Variants in KIAA1328 observed in about 807,000 individuals in gnomAD.
The protein encoded by KIAA1328 is KIAA1328.
A neutral mutation model predicts 68.1 loss-of-function variants in KIAA1328; 52 were observed. That is an observed-to-expected ratio of 0.76 (90% CI 0.61 to 0.96). The LOEUF (loss-of-function observed/expected upper bound fraction) is 0.96. KIAA1328 is among the 40% of genes least tolerant of loss of function. The probability of loss-of-function intolerance (pLI) is 0.00; values close to 1 mark genes in which losing one functional copy is unlikely to be tolerated. For synonymous variants in KIAA1328, 232 were observed against 239.4 expected, an observed-to-expected ratio of 0.97 and a Z score of 0.28; for missense variants, 641 against 677.6, an observed-to-expected ratio of 0.95 and a Z score of 0.60.
At chr18:36,973,470 AAAT>A (rs763930475) in intron 6 of KIAA1328, among the ~76,000 whole-genome samples, 1 of 152,078 alleles carries the variant, frequency 6.6e-6, no homozygotes, top group African/African-American at 2.4e-5. Flanking sequence ...ACTCAAAGTA[AAAT>A]AATAATAATA....
At chr18:37,199,559 T>A (rs1186394818) in intron 9 of KIAA1328, among the ~76,000 whole-genome samples, 1 of 152,194 alleles carries the variant, frequency 6.6e-6, no homozygotes. Flanking sequence ...ATGAACAACA[T>A]GTGCATGTGT....
intron 8 of KIAA1328, among the ~76,000 whole-genome samples, 152 bp downstream of exon 8, chr18:37,160,533 C>A (rs1350602100): frequency 6.6e-6 from 1 of 152,162 alleles, no homozygotes; most frequent in Non-Finnish European, 1.5e-5. Context: ...AACACATTTA[C>A]TAGATTAGTG....
intron 5 of KIAA1328, among the ~76,000 whole-genome samples, chr18:36,908,655 T>C (rs1950685629): frequency 6.6e-6 from 1 of 152,110 alleles, no homozygotes; most frequent in Admixed American, 6.6e-5. Flanking sequence ...AGATTTTTAA[T>C]AGCTAATTAT....
chr18:36,835,384 T>C lies in KIAA1328; in HGVS notation c.237+8T>C. ...GATTCAGTAGATGAACAGGTTAGTA[T>C]TTTTTTCGTCTTTTTTTTTCCTTGC... On this transcript the variant is annotated splice_region_variant and intron_variant, in intron 3 of 9. Transcript: ENST00000280020. 2 of 1,603,686 alleles carry C rather than the reference T, an allele frequency of 1.2e-6. No homozygotes were observed. Among genetic ancestry groups the C allele is most frequent in the Non-Finnish European group, 1.7e-6 (2 of 1,176,042 alleles).
chr18:37,079,529 T>C (rs574660070), intron 7 of KIAA1328, among the ~76,000 whole-genome samples: 1 of 151,786 alleles, frequency 6.6e-6, no homozygotes, highest in East Asian at 1.9e-4. Context: ...AGTGCAGCTA[T>C]TTCATCATGT....
intron 6 of KIAA1328, among the ~76,000 whole-genome samples, chr18:36,970,463 G>A (rs1425168176): frequency 4.6e-5 from 7 of 152,018 alleles, no homozygotes; most frequent in South Asian, 2.1e-4. Context: ...CAGGGCAATC[G>A]GGGAAGAGAA....
chr18:37,130,444 C>A (rs965325274), intron 7 of KIAA1328, among the ~76,000 whole-genome samples: 2 of 151,988 alleles, frequency 1.3e-5, no homozygotes, highest in Non-Finnish European at 2.9e-5. Flanking sequence ...ATGGTGAAAC[C>A]CTGTCTCTAC....
At chr18:37,115,099 G>C (rs1401205855) in intron 7 of KIAA1328, among the ~76,000 whole-genome samples, 1 of 152,184 alleles carries the variant, frequency 6.6e-6, no homozygotes, top group Admixed American at 6.5e-5. Flanking sequence ...AGTGGAGCTG[G>C]TACCATTCCT....
intron 7 of KIAA1328, among the ~76,000 whole-genome samples, chr18:37,122,707 A>G (rs1400548830): frequency 1.3e-5 from 2 of 152,020 alleles, no homozygotes; most frequent in Non-Finnish European, 2.9e-5. Context: ...GGTATTCTCA[A>G]TTTTCTCTGT....
intron 6 of KIAA1328, among the ~76,000 whole-genome samples, chr18:37,004,480 C>G (rs1206293393): frequency 6.6e-6 from 1 of 151,984 alleles, no homozygotes; most frequent in African/African-American, 2.4e-5. Flanking sequence ...AGAATATATA[C>G]AAATGGCTAA....
chr18:36,966,374 A>G (rs1420138215), intron 6 of KIAA1328, among the ~76,000 whole-genome samples: 1 of 152,194 alleles, frequency 6.6e-6, no homozygotes, highest in African/African-American at 2.4e-5. Context: ...ACAATTTTAG[A>G]CACCTGAATA....
At chr18:37,014,849 C>A (rs183424198) in intron 6 of KIAA1328, among the ~76,000 whole-genome samples, 1 of 152,154 alleles carries the variant, frequency 6.6e-6, no homozygotes, top group African/African-American at 2.4e-5. Flanking sequence ...CAAACCATAT[C>A]AGATTCTTAC....
At chr18:37,050,037 G>A (rs2055628612) in intron 6 of KIAA1328, among the ~76,000 whole-genome samples, 1 of 151,980 alleles carries the variant, frequency 6.6e-6, no homozygotes, top group Admixed American at 6.6e-5. Flanking sequence ...TCTTTCATAT[G>A]ACACAAATTC....
At chr18:37,048,778 T>G (rs2055576604) in intron 6 of KIAA1328, among the ~76,000 whole-genome samples, 1 of 152,160 alleles carries the variant, frequency 6.6e-6, no homozygotes, top group African/African-American at 2.4e-5. Flanking sequence ...GACTGAGAAA[T>G]TATAAACTGT....
chr18:36,938,757 G>A (rs1454077923), intron 5 of KIAA1328, among the ~76,000 whole-genome samples: 1 of 152,110 alleles, frequency 6.6e-6, no homozygotes, highest in Non-Finnish European at 1.5e-5. Flanking sequence ...TTTGATCTTT[G>A]TATATGGTGA....
chr18:37,231,728 C>T (rs2060664715), downstream of KIAA1328: 2 of 152,686 alleles, frequency 1.3e-5, no homozygotes, highest in East Asian at 1.9e-4. Flanking sequence ...CATGGCCTGA[C>T]GTCTTCCAGG....
At chr18:37,062,928 A>G (rs950247767) in intron 6 of KIAA1328, among the ~76,000 whole-genome samples, 6 of 152,042 alleles carry the variant, frequency 3.9e-5, no homozygotes, top group Admixed American at 1.3e-4. Flanking sequence ...ATGCAGATTT[A>G]TTACCTCACA....
At position 36,939,831 on chromosome 18, in the gene KIAA1328, A is replaced by T. The variant is rs181831080; in HGVS notation, c.449-19477A>T. On this transcript the variant is annotated intron_variant, in intron 5 of 9. Coordinates refer to ENST00000280020, the MANE Select transcript of KIAA1328 (RefSeq NM_020776.3). ...TTGAATATTGTCAAATGCCTTTTCT[A>T]CATCTATTGAGATGATCACCACGGT... Among the ~76,000 whole-genome samples the T allele has an allele frequency of 2.0e-5, 3 of 152,258 alleles. No homozygotes were observed. The East Asian group carries it at 5.8e-4, about 29-fold the overall frequency.
intron 5 of KIAA1328, among the ~76,000 whole-genome samples, chr18:36,934,303 A>G (rs2050420808): frequency 6.6e-6 from 1 of 151,394 alleles, no homozygotes; most frequent in African/African-American, 2.4e-5. Flanking sequence ...TTTTTTTCAT[A>G]TTTATTTTAT....
Sources: allele counts gnomAD v4.1 joint callset (sites outside exome capture counted in the v4.1 genomes callset), GRCh38; gene constraint gnomAD v4.1.1; transcripts MANE v1.5; gene names NCBI Gene and HGNC (gene_info 2026-07-23, HGNC 2026-07-21).